The following PLCB4 variants were observed in gnomAD, a reference collection of about 807,000 sequenced individuals.
The protein encoded by PLCB4 is 1-phosphatidylinositol 4,5-bisphosphate phosphodiesterase beta-4.
PLCB4 carries 77 observed loss-of-function variants against 178.8 expected under a neutral mutation model. The ratio of observed to expected loss-of-function variants is 0.43; its 90% CI spans 0.36 to 0.52. PLCB4 has a LOEUF of 0.52. Ranked by LOEUF, PLCB4 falls within the 20% of genes least tolerant of loss-of-function variation. The pLI, the probability that PLCB4 is intolerant of heterozygous loss-of-function variation, is 0.00. For synonymous variants in PLCB4, 496 were observed against 490.8 expected, an observed-to-expected ratio of 1.01 and a Z score of -0.14; for missense variants, 1,024 against 1,453.4, an observed-to-expected ratio of 0.70 and a Z score of 4.80.
At chr20:9,450,658 C>CTTTTTTTTTTT (rs60982044) in intron 32 of PLCB4, among the ~76,000 whole-genome samples, 202 of 100,228 alleles carry the variant, frequency 2.0e-3, no homozygotes, top group Middle Eastern at 6.6e-3. Flanking sequence ...CTTTTCTTTT[C>CTTTTTTTTTTT]TTTTTTTTTT....
At chr20:9,327,473 C>G (rs942539384) in intron 4 of PLCB4, among the ~76,000 whole-genome samples, 1 of 150,944 alleles carries the variant, frequency 6.6e-6, no homozygotes, top group South Asian at 2.1e-4. Context: ...AAAATTCTGT[C>G]TCTTAAAAAA....
At chr20:9,425,842 C>T (rs1442477989) in intron 28 of PLCB4, among the ~76,000 whole-genome samples, 1 of 152,232 alleles carries the variant, frequency 6.6e-6, no homozygotes, top group Non-Finnish European at 1.5e-5. Context: ...GTGTCAGGGA[C>T]TTCCCTGTAG....
At chr20:9,089,773 T>G (rs539813315) in intron 1 of PLCB4, among the ~76,000 whole-genome samples, 95 of 152,276 alleles carry the variant, frequency 6.2e-4, no homozygotes, top group African/African-American at 2.2e-3. Flanking sequence ...GAGAAAGAAA[T>G]AAAGTTAGCT....
chr20:9,275,452 G>A (rs184048789), intron 3 of PLCB4, among the ~76,000 whole-genome samples: 39 of 152,122 alleles, frequency 2.6e-4, no homozygotes, highest in African/African-American at 7.5e-4. Flanking sequence ...ATTACCTGGT[G>A]GGGAGGAAAC....
intron 2 of PLCB4, among the ~76,000 whole-genome samples, chr20:9,118,785 G>A (rs549204033): frequency 3.3e-5 from 5 of 152,264 alleles, no homozygotes; most frequent in East Asian, 3.9e-4. Flanking sequence ...CAAATTAGGA[G>A]TAAAATCAAG....
At chr20:9,220,011 C>CT (rs909160838) in intron 3 of PLCB4, among the ~76,000 whole-genome samples, 31 of 148,702 alleles carry the variant, frequency 2.1e-4, no homozygotes, top group South Asian at 4.3e-4. Flanking sequence ...TTCAATTTAG[C>CT]TTTTTTTTTT....
At chr20:9,308,182 A>C (rs2094792852) in intron 4 of PLCB4, among the ~76,000 whole-genome samples, 1 of 152,162 alleles carries the variant, frequency 6.6e-6, no homozygotes, top group African/African-American at 2.4e-5. Context: ...TAATATTCTC[A>C]GTTTACAGAT....
intron 3 of PLCB4, among the ~76,000 whole-genome samples, chr20:9,265,409 G>A (rs549543086): frequency 3.3e-4 from 50 of 152,244 alleles, no homozygotes; most frequent in Non-Finnish European, 5.9e-4. Flanking sequence ...CTTGAACCCC[G>A]GAGGTAAAGG....
intron 25 of PLCB4, among the ~76,000 whole-genome samples, chr20:9,412,083 C>T (rs2039899612): frequency 6.6e-6 from 1 of 152,252 alleles, no homozygotes; most frequent in Admixed American, 6.5e-5. Flanking sequence ...CCACCACTTA[C>T]ATACCTGGAG....
intron 4 of PLCB4, among the ~76,000 whole-genome samples, chr20:9,330,395 G>C (rs542690928): frequency 6.6e-6 from 1 of 152,020 alleles, no homozygotes; most frequent in Non-Finnish European, 1.5e-5. Flanking sequence ...AGGAAGCAAG[G>C]AGGGTGAGTC....
At chr20:9,174,874 A>G (rs923555554) in intron 2 of PLCB4, among the ~76,000 whole-genome samples, 2 of 152,222 alleles carry the variant, frequency 1.3e-5, no homozygotes, top group Admixed American at 1.3e-4. Flanking sequence ...GAATTGAGAA[A>G]AACTCATCTA....
intron 4 of PLCB4, among the ~76,000 whole-genome samples, chr20:9,334,825 C>T (rs1243126759): frequency 1.3e-5 from 2 of 151,812 alleles, no homozygotes; most frequent in East Asian, 3.9e-4. Flanking sequence ...GCTAGAAGGA[C>T]CAGATGGAAT....
chr20:9,241,521 A>G (rs1190765297), intron 3 of PLCB4, among the ~76,000 whole-genome samples: 3 of 152,278 alleles, frequency 2.0e-5, no homozygotes, highest in African/African-American at 7.2e-5. Context: ...GAAATGTGAT[A>G]ATTGTTGACC....
intron 28 of PLCB4, among the ~76,000 whole-genome samples, chr20:9,435,155 A>T (rs2041682626): frequency 6.6e-6 from 1 of 152,186 alleles, no homozygotes. Context: ...AATTATCATG[A>T]TTATTCTGCA....
rs562922630 is a variant in PLCB4, at chr20:9,139,473, G to T, written c.-79+43131G>T. ...ATGCCAGCTGGAACATCTCAGTTCT[G>T]TTCCATGTAGTTTCTTTCCATGTGG... On this transcript the variant is annotated intron_variant, in intron 2 of 39. Coordinates refer to ENST00000378473, the MANE Select transcript of PLCB4 (RefSeq NM_001377142.1). 6.6e-5 allele frequency among the ~76,000 whole-genome samples: 10 copies of T among 152,198 alleles called. 1 individual carries two copies. The East Asian group carries it at 1.9e-3, about 30-fold the overall frequency.
At chr20:9,351,701 A>C (rs1317075461) in intron 7 of PLCB4, among the ~76,000 whole-genome samples, 1 of 152,146 alleles carries the variant, frequency 6.6e-6, no homozygotes, top group African/African-American at 2.4e-5. Flanking sequence ...TAGTTTATAG[A>C]ATTACCTATA....
chr20:9,088,012 G>A (rs1281495391), intron 1 of PLCB4, among the ~76,000 whole-genome samples: 1 of 152,166 alleles, frequency 6.6e-6, no homozygotes, highest in Admixed American at 6.5e-5. Context: ...GGCACAGCCT[G>A]CTTCTACTTC....
intron 7 of PLCB4, among the ~76,000 whole-genome samples, chr20:9,354,568 A>G (rs1260807603): frequency 6.6e-6 from 1 of 152,174 alleles, no homozygotes; most frequent in Non-Finnish European, 1.5e-5. Context: ...CTTCCGGTAA[A>G]TTCCTATGAG....
intron 2 of PLCB4, among the ~76,000 whole-genome samples, chr20:9,151,688 T>G (rs1269282548): frequency 6.6e-6 from 1 of 152,034 alleles, no homozygotes; most frequent in Non-Finnish European, 1.5e-5. Flanking sequence ...TTATCAGCAG[T>G]GTGAAAACAA....
Sources: gnomAD v4.1 joint callset for allele counts (sites outside exome capture counted in the v4.1 genomes callset) on GRCh38, gnomAD v4.1.1 for gene constraint, MANE v1.5 for transcripts, NCBI Gene and HGNC (gene_info 2026-07-23, HGNC 2026-07-21) for gene names.